The following PTPRK variants were observed in gnomAD, a reference collection of about 807,000 sequenced individuals.
PTPRK encodes the protein receptor-type tyrosine-protein phosphatase kappa.
A neutral mutation model predicts 178.0 loss-of-function variants in PTPRK; 75 were observed. The ratio of observed to expected loss-of-function variants is 0.42; its 90% CI spans 0.35 to 0.51. The LOEUF is 0.51. Among genes scored for constraint, PTPRK ranks in the 20% least tolerant of loss-of-function variants. The pLI is 0.02. For synonymous variants in PTPRK, 637 were observed against 620.6 expected (o/e 1.03, Z -0.39); for missense variants, 1,441 against 1,797.8 (o/e 0.80, Z 3.59).
intron 3 of PTPRK, among the ~76,000 whole-genome samples, chr6:128,278,642 CA>C (rs1202782574): frequency 3.9e-5 from 6 of 152,158 alleles, no homozygotes; most frequent in Non-Finnish European, 7.3e-5. Context: ...CCATCCTGCA[CA>C]AGGCCACTGG....
chr6:128,491,659 T>G (rs1011012375), intron 1 of PTPRK: 4 of 447,714 alleles, frequency 8.9e-6, no homozygotes, highest in South Asian at 6.3e-5. Context: ...CAGGCACTCA[T>G]GTGAACACCA....
At chr6:127,997,557 T>C (rs1777300116) in intron 16 of PTPRK, among the ~76,000 whole-genome samples, 1 of 152,122 alleles carries the variant, frequency 6.6e-6, no homozygotes, top group African/African-American at 2.4e-5. Context: ...ATTTGTTGAC[T>C]AGTTTAATTA....
At chr6:128,229,277 T>A (rs1811912407) in intron 5 of PTPRK, among the ~76,000 whole-genome samples, 1 of 152,212 alleles carries the variant, frequency 6.6e-6, no homozygotes, top group East Asian at 1.9e-4. Context: ...ATAATTATGA[T>A]ATATTCTAAA....
intron 6 of PTPRK, among the ~76,000 whole-genome samples, chr6:128,197,748 G>A (rs983947597): frequency 1.3e-5 from 2 of 151,672 alleles, no homozygotes; most frequent in African/African-American, 4.8e-5. Context: ...TGACTATTAC[G>A]GTAGACAACA....
chr6:128,236,540 G>A (rs1280467243), intron 5 of PTPRK, among the ~76,000 whole-genome samples: 1 of 151,704 alleles, frequency 6.6e-6, no homozygotes, highest in East Asian at 1.9e-4. Context: ...GTAGAGACAG[G>A]GTTTCACTAT....
intron 5 of PTPRK, among the ~76,000 whole-genome samples, chr6:128,228,965 T>C (rs933955346): frequency 6.6e-6 from 1 of 152,176 alleles, no homozygotes; most frequent in Non-Finnish European, 1.5e-5. Context: ...AGATTTCATA[T>C]ACTGTGAAAT....
chr6:128,040,369 A>G (rs1254840725), intron 13 of PTPRK, among the ~76,000 whole-genome samples: 1 of 152,140 alleles, frequency 6.6e-6, no homozygotes, highest in Non-Finnish European at 1.5e-5. Flanking sequence ...GTGCTAGGAC[A>G]GTGAAACCAT....
chr6:128,322,092 C>T lies in PTPRK; in HGVS notation c.442G>A (p.Asp148Asn), dbSNP rs778165650. 8 of 1,613,842 alleles carry T rather than the reference C, an allele frequency of 5.0e-6. No individual in the cohort carries two copies. The highest frequency in any genetic ancestry group is 6.8e-6 in the Non-Finnish European group (8 of 1,179,940). The change falls in exon 3 of 30, where the codon GAT (aspartate) becomes AAT (asparagine). Residue 148 changes from aspartate to asparagine, a missense_variant. Around this residue, in one of 4 missense-constraint regions of PTPRK, gnomAD observed 158 missense variants for 188.0 expected, o/e 0.84. Transcript: ENST00000368226. ...ACTGCTAGCTCAGCCCGAAGCCAAT[C>T]TCTACCCGTGAATCCAGTCACATTC... Reference protein sequence around the residue: ...IWNVTGFTGRDWLRAELAVST... With the variant: ...IWNVTGFTGRNWLRAELAVST...
chr6:128,178,086 G>A (rs1365664651), intron 7 of PTPRK, among the ~76,000 whole-genome samples: 1 of 151,784 alleles, frequency 6.6e-6, no homozygotes, highest in Non-Finnish European at 1.5e-5. Flanking sequence ...TATGGATAAG[G>A]CCATGGCTTT....
At chr6:128,347,903 A>C (rs1832628262) in intron 2 of PTPRK, among the ~76,000 whole-genome samples, 1 of 152,056 alleles carries the variant, frequency 6.6e-6, no homozygotes, top group South Asian at 2.1e-4. Flanking sequence ...CAACATTAAT[A>C]CGTCGATTTT....
rs1203773690 is a variant in PTPRK, at chr6:128,059,396, T to C, written c.2194+5362A>G. ...TCCTACACTAATTTTTAGAGATACA[T>C]TATAAATGACAACATCTTAAAATAC... On this transcript the variant is annotated intron_variant, in intron 13 of 29. Transcript: ENST00000368226. Among the ~76,000 whole-genome samples, 3 of 152,272 alleles carry C rather than the reference T, an allele frequency of 2.0e-5. No homozygotes were observed. In the East Asian group the frequency reaches 5.8e-4, roughly 29 times the overall value.
chr6:128,138,198 T>C (rs930530036), intron 7 of PTPRK, among the ~76,000 whole-genome samples: 8 of 152,274 alleles, frequency 5.3e-5, no homozygotes, highest in Non-Finnish European at 1.0e-4. Flanking sequence ...ATACTGAACA[T>C]GTATTTTCAC....
chr6:128,252,903 A>G (rs1053619930), intron 3 of PTPRK, among the ~76,000 whole-genome samples: 5 of 152,178 alleles, frequency 3.3e-5, no homozygotes, highest in Admixed American at 3.3e-4. Context: ...CAAAAACAGT[A>G]CCACAAACTC....
At chr6:128,437,627 G>T (rs6939023) in intron 1 of PTPRK, among the ~76,000 whole-genome samples, 2 of 152,028 alleles carry the variant, frequency 1.3e-5, no homozygotes, top group African/African-American at 4.8e-5. Context: ...TTATTTAGGC[G>T]GTAATTAAGC....
At chr6:128,073,333 A>T (rs1192181672) in intron 11 of PTPRK, among the ~76,000 whole-genome samples, 1 of 152,052 alleles carries the variant, frequency 6.6e-6, no homozygotes, top group African/African-American at 2.4e-5. Context: ...CAGAAAACCA[A>T]CACATATTAA....
intron 13 of PTPRK, among the ~76,000 whole-genome samples, chr6:128,042,585 C>T (rs1777377672): frequency 6.6e-6 from 1 of 151,976 alleles, no homozygotes; most frequent in Non-Finnish European, 1.5e-5. Flanking sequence ...CATGTATCAG[C>T]ACTCTTGTGA....
At chr6:128,494,324 AT>A (rs1230952635) in intron 1 of PTPRK, among the ~76,000 whole-genome samples, 2 of 152,094 alleles carry the variant, frequency 1.3e-5, no homozygotes, top group Non-Finnish European at 2.9e-5. Flanking sequence ...AGATATAATG[AT>A]TTAGTAGATT....
At chr6:128,486,808 G>A (rs1852977392) in intron 1 of PTPRK, among the ~76,000 whole-genome samples, 3 of 148,626 alleles carry the variant, frequency 2.0e-5, no homozygotes, top group Non-Finnish European at 4.5e-5. Flanking sequence ...CAGAAAGGAA[G>A]GAAGGAAGGA....
intron 2 of PTPRK, among the ~76,000 whole-genome samples, chr6:128,361,751 A>T (rs1834785951): frequency 6.6e-6 from 1 of 152,202 alleles, no homozygotes; most frequent in Non-Finnish European, 1.5e-5. Flanking sequence ...ATAGTAGTAT[A>T]ATCTTATCAG....
Sources: allele counts gnomAD v4.1 joint callset (sites outside exome capture counted in the v4.1 genomes callset), GRCh38; gene constraint gnomAD v4.1.1; regional missense constraint gnomAD v4.1.1; transcripts MANE v1.5; gene names NCBI Gene and HGNC (gene_info 2026-07-23, HGNC 2026-07-21).